The following CYP19A1 variants were observed in gnomAD, a reference collection of about 807,000 sequenced individuals.
CYP19A1 encodes the protein aromatase.
Under a neutral mutation model 44.4 loss-of-function variants are expected in CYP19A1, and 32 were observed. The observed-to-expected ratio is 0.72, with a 90% confidence interval of 0.54 to 0.97. The LOEUF is 0.97. Ranked by LOEUF, CYP19A1 falls within the 50% of genes least tolerant of loss-of-function variation. The pLI, the probability that CYP19A1 is intolerant of heterozygous loss-of-function variation, is 0.00. For synonymous variants in CYP19A1, 212 were observed against 215.6 expected, an observed-to-expected ratio of 0.98 and a Z score of 0.14; for missense variants, 598 against 637.8, an observed-to-expected ratio of 0.94 and a Z score of 0.67.
rs1246841627 is a variant in CYP19A1 at position 51,222,219 on chromosome 15, G to C, written c.628+130C>G. 15 of 1,509,332 alleles carry C rather than the reference G, an allele frequency of 9.9e-6. No homozygotes were observed. The Admixed American group carries it at 3.2e-4, about 32-fold the overall frequency. 93.5% of individuals were successfully genotyped at this position (1,509,332 alleles called of 1,614,324 possible). Reference sequence around the variant, plus strand: ...CAGAAACACTAGGGAAAAAAACGAGGAGTACTTAGAAATGTTTAAACAAGA... The same window carrying C: ...CAGAAACACTAGGGAAAAAAACGAGCAGTACTTAGAAATGTTTAAACAAGA... On this transcript the variant is annotated intron_variant, in intron 5 of 9. Coordinates refer to ENST00000396402, the MANE Select transcript of CYP19A1 (RefSeq NM_000103.4).
At chr15:51,258,812 T>G (rs2034609533) in intron 1 of CYP19A1, among the ~76,000 whole-genome samples, 2 of 152,238 alleles carry the variant, frequency 1.3e-5, no homozygotes, top group South Asian at 2.1e-4. Flanking sequence ...GAGAAGACTT[T>G]TCTTTTTAAC....
In CYP19A1 at chr15:51,266,140, G is replaced by T. The variant is rs78901413; in HGVS notation, c.-38-23190C>A. ...GCTCTCACCTCACAAAAAGCTTCCA[G>T]ATCCAATCAACCCTACTCTGCCAGG... On this transcript the variant is annotated intron_variant, in intron 1 of 9. Coordinates refer to ENST00000396402, the MANE Select transcript of CYP19A1 (RefSeq NM_000103.4). 1.0e-3 allele frequency among the ~76,000 whole-genome samples: 153 copies of T among 152,358 alleles called. 5 individuals carry two copies. The East Asian group carries it at 0.029, about 29-fold the overall frequency.
chr15:51,218,111 A>G (rs2031744621), intron 6 of CYP19A1, among the ~76,000 whole-genome samples: 1 of 152,226 alleles, frequency 6.6e-6, no homozygotes, highest in African/African-American at 2.4e-5. Context: ...TATTGAGACT[A>G]TTGTCAGTTC....
chr15:51,296,292 G>A (rs2035994071), intron 1 of CYP19A1, among the ~76,000 whole-genome samples: 1 of 152,128 alleles, frequency 6.6e-6, no homozygotes, highest in Non-Finnish European at 1.5e-5. Context: ...AACTCCCTGA[G>A]ACCTGAGGGA....
chr15:51,309,732 A>G (rs2036278201), intron 1 of CYP19A1, among the ~76,000 whole-genome samples: 1 of 152,222 alleles, frequency 6.6e-6, no homozygotes, highest in African/African-American at 2.4e-5. Context: ...AGAAGGGCAA[A>G]GCTCCAGAAT....
intron 2 of CYP19A1, among the ~76,000 whole-genome samples, chr15:51,237,856 T>G (rs571174380): frequency 1.3e-5 from 2 of 152,354 alleles, no homozygotes; most frequent in African/African-American, 4.8e-5. Context: ...AACGTTAGAT[T>G]AAAAAGTTTT....
rs1034203557 is a variant in CYP19A1, at chr15:51,268,528, CCCT to C, written c.-38-25581_-38-25579del. Among the ~76,000 whole-genome samples the C allele has an allele frequency of 1.8e-3, 235 of 128,732 alleles. 1 individual carries two copies. The highest frequency in any genetic ancestry group is 3.4e-3 in the Non-Finnish European group (200 of 59,380). 84.5% of individuals were successfully genotyped at this position (128,732 alleles called of 152,430 possible). On this transcript the variant is annotated intron_variant, in intron 1 of 9. Coordinates refer to ENST00000396402, the MANE Select transcript of CYP19A1 (RefSeq NM_000103.4). ...ATTTCCATCGTTTCCTTCCCCCCCC[CCCT>C]TTTTTTTTGGCTGTTTCAAGCAAGG...
intron 1 of CYP19A1, among the ~76,000 whole-genome samples, chr15:51,314,506 C>T (rs1473890135): frequency 6.6e-6 from 1 of 152,218 alleles, no homozygotes; most frequent in Admixed American, 6.5e-5. Context: ...TGTAGTCCCT[C>T]CTTTCAATAA....
chr15:51,301,032 G>T (rs1015505941), intron 1 of CYP19A1, among the ~76,000 whole-genome samples: 3 of 152,196 alleles, frequency 2.0e-5, no homozygotes, highest in African/African-American at 7.2e-5. Flanking sequence ...CAGTTCACAG[G>T]GTGGTGAACT....
intron 1 of CYP19A1, among the ~76,000 whole-genome samples, chr15:51,278,639 A>G (rs1047617291): frequency 6.6e-6 from 1 of 152,188 alleles, no homozygotes; most frequent in Non-Finnish European, 1.5e-5. Flanking sequence ...CTTTAGCCAG[A>G]TGTTTTATGT....
intron 1 of CYP19A1, among the ~76,000 whole-genome samples, chr15:51,273,379 T>C (rs1266229605): frequency 1.3e-5 from 2 of 152,240 alleles, no homozygotes; most frequent in African/African-American, 4.8e-5. Context: ...TAAAAATTTT[T>C]AATCCAGGGA....
chr15:51,317,401 G>A (rs1002227508), intron 1 of CYP19A1, among the ~76,000 whole-genome samples: 3 of 152,132 alleles, frequency 2.0e-5, no homozygotes, highest in South Asian at 4.1e-4. Context: ...GAGCCACTGC[G>A]CCCGGCAAGA....
intron 8 of CYP19A1, among the ~76,000 whole-genome samples, chr15:51,214,556 C>T (rs2031373245): frequency 6.6e-6 from 1 of 152,194 alleles, no homozygotes; most frequent in Non-Finnish European, 1.5e-5. Context: ...AGAAACAGTG[C>T]TATAAATGAT....
chr15:51,222,536 C>T lies in CYP19A1; in HGVS notation c.452-11G>A. ...CGGGGCCTGACAGAGCTGCAGAGTA[C>T]ACATCAGAGAATCAGCCATCACGAA... On this transcript the variant is annotated splice_polypyrimidine_tract_variant and intron_variant, in intron 4 of 9. Coordinates refer to ENST00000396402, the MANE Select transcript of CYP19A1 (RefSeq NM_000103.4). 6.2e-7 allele frequency: 1 copy of T among 1,610,862 alleles called. No individual in the cohort carries two copies. The highest frequency in any genetic ancestry group is 8.5e-7 in the Non-Finnish European group (1 of 1,177,700).
intron 1 of CYP19A1, among the ~76,000 whole-genome samples, chr15:51,326,876 C>T (rs1457978322): frequency 6.6e-6 from 1 of 152,162 alleles, no homozygotes; most frequent in Non-Finnish European, 1.5e-5. Flanking sequence ...TCCTCTGAAT[C>T]GTTGTTTACT....
chr15:51,295,678 A>G (rs1190188880), intron 1 of CYP19A1, among the ~76,000 whole-genome samples: 1 of 152,214 alleles, frequency 6.6e-6, no homozygotes, highest in Admixed American at 6.5e-5. Context: ...CTAAACTCAG[A>G]AAGACAGATG....
chr15:51,326,746 T>C (rs2446404), intron 1 of CYP19A1, among the ~76,000 whole-genome samples: 7,321 of 152,304 alleles, frequency 0.048, 221 homozygotes, highest in Non-Finnish European at 0.064. Context: ...TTTAGGATAA[T>C]GATACCATCT....
intron 1 of CYP19A1, among the ~76,000 whole-genome samples, chr15:51,314,513 A>G (rs3751591): frequency 0.14 from 20,866 of 152,078 alleles, 1,791 homozygotes; most frequent in South Asian, 0.3. Flanking sequence ...CCTCCTTTCA[A>G]TAAGAGTTTT....
At chr15:51,326,818 T>C (rs185039768) in intron 1 of CYP19A1, among the ~76,000 whole-genome samples, 15 of 152,304 alleles carry the variant, frequency 9.8e-5, no homozygotes, top group Admixed American at 5.2e-4. Context: ...AAAGTACAAG[T>C]GTTTTTAACT....
Sources: gnomAD v4.1 joint callset for allele counts (sites outside exome capture counted in the v4.1 genomes callset) on GRCh38, gnomAD v4.1.1 for gene constraint, MANE v1.5 for transcripts, NCBI Gene and HGNC (gene_info 2026-07-23, HGNC 2026-07-21) for gene names.